SPC25: variants seen among roughly 807,000 people sequenced by gnomAD.
SPC25 encodes the protein kinetochore protein Spc25.
A neutral mutation model predicts 29.6 loss-of-function variants in SPC25; 22 were observed. That is an observed-to-expected ratio of 0.74 (90% CI 0.53 to 1.06). SPC25 has a LOEUF of 1.06. SPC25 is among the 50% of genes least tolerant of loss of function. SPC25 has a pLI of 0.00. For missense variants in SPC25, 230 were observed against 255.8 expected (o/e 0.90, Z 0.69); for synonymous variants, 91 against 90.4 (o/e 1.01, Z -0.04).
rs759775753 is a variant in SPC25 at position 168,876,099 on chromosome 2, G to T, written c.424C>A (p.Leu142Ile). The T allele has an allele frequency of 6.4e-7, 1 of 1,555,492 alleles. No homozygotes were observed. Among genetic ancestry groups the T allele is most frequent in the Admixed American group, 2.1e-5 (1 of 47,264 alleles). ...TAAATTTTTCGAATTTCTAGTCCAA[G>T]TCGATCTTTATACAAGTCTGCAGAT... ...QKSADLYKDR[L>I]GLEIRKIYGE... The change falls in exon 5 of 7, where the codon CTT becomes ATT. Residue 142 changes from leucine (L) to isoleucine (I), a missense_variant. Leu to Ile is a conservative substitution (Grantham distance 5). Transcript: ENST00000282074.
chr2:168,885,571 G>A (rs1465772348), intron 3 of SPC25, among the ~76,000 whole-genome samples: 1 of 152,128 alleles, frequency 6.6e-6, no homozygotes, highest in Admixed American at 6.5e-5. Context: ...TGGCCAACGA[G>A]TTCTTCCAGC....
At chr2:168,873,191 A>G (rs1242067311) in intron 6 of SPC25, among the ~76,000 whole-genome samples, 1 of 152,180 alleles carries the variant, frequency 6.6e-6, no homozygotes, top group Non-Finnish European at 1.5e-5. Context: ...AATTCTGGTG[A>G]CTTTACATTT....
chr2:168,876,133 C>T lies in SPC25; in HGVS notation c.390G>A (p.Arg130=), dbSNP rs763695707. 5 of 1,569,202 alleles carry T rather than the reference C, an allele frequency of 3.2e-6. No homozygotes were observed. The highest frequency in any genetic ancestry group is 2.6e-6 in the Non-Finnish European group (3 of 1,165,314). Residue 130 remains arginine (R), a synonymous_variant, in exon 5 of 7, where the codon AGG becomes AGA. Transcript: ENST00000282074. ...TATACAAGTCTGCAGATTTCTGCAG[C>T]CTTTTCAACCTCTCTGCATTCGCTT... ...ANKANAERLK[R]LQKSADLYKD... is the part of the protein sequence containing the mutation.
At chr2:168,862,108 TA>T in intron 4 of SPC25, 6 of 1,476,678 alleles carry the variant, frequency 4.1e-6, no homozygotes, top group Non-Finnish European at 5.7e-6. Flanking sequence ...TTAGCATGAA[TA>T]AAACCCTGTC....
rs1690102211 is a variant in SPC25, at chr2:168,877,259, C to T, written c.325G>A (p.Glu109Lys). The change falls in exon 4 of 7, where the codon GAA (glutamate) becomes AAA (lysine). Residue 109 changes from glutamate to lysine, a missense_variant. Physicochemically the swap from Glu to Lys is moderately conservative, Grantham distance 56 (BLOSUM62 1). Coordinates refer to ENST00000282074, the MANE Select transcript of SPC25 (RefSeq NM_020675.4). Reference protein sequence around the residue: ...LTANIQDLKEEYSRKKETIST... With the variant: ...LTANIQDLKEKYSRKKETIST... ...TTACTTTCCTTCTTCCTAGAATATT[C>T]TTCCTTAAGATCCTGGATATTTGCA... 7 of 1,613,464 alleles carry T rather than the reference C, an allele frequency of 4.3e-6. No homozygotes were observed. Among genetic ancestry groups the T allele is most frequent in the Non-Finnish European group, 5.1e-6 (6 of 1,179,744 alleles).
chr2:168,861,860 A>G lies in SPC25; in HGVS notation n.419+11725T>C, dbSNP rs1251540844. ...TTTCCTTTTGAGAAAAATTTAATAT[A>G]TTGAAACTCTGCATCACACTGTTAA... On this transcript the variant is annotated intron_variant and non_coding_transcript_variant, in intron 4 of 4. Coordinates refer to the SPC25 transcript ENST00000479309. The G allele has an allele frequency of 3.7e-6, 4 of 1,072,608 alleles. No individual in the cohort carries two copies. The Admixed American group carries it at 9.1e-5, about 24-fold the overall frequency. The allele number at this position is 1,072,608 out of a possible 1,614,324, so 66.4% of individuals were successfully genotyped here.
At chr2:168,883,342 T>A (rs1052335728) in intron 3 of SPC25, among the ~76,000 whole-genome samples, 15 of 152,198 alleles carry the variant, frequency 9.9e-5, no homozygotes, top group African/African-American at 3.1e-4. Flanking sequence ...GGTGATATTT[T>A]TTGCTTTTCT....
At position 168,871,450 on chromosome 2, in the gene SPC25, G is replaced by C. The variant is rs1440281247; in HGVS notation, c.656C>G (p.Thr219Ser). The stretch of plus-strand genomic sequence containing the variant: ...TGTATGTTAATTATAAACCGTGGCA[G>C]TAAAAGCTTTCCGAACATTGGCAAG... Reference protein sequence around the residue: ...AFLANVRKAFTATVYN With the variant: ...AFLANVRKAFSATVYN The change falls in exon 7 of 7, where the codon ACT becomes AGT. Residue 219 changes from threonine (T) to serine (S), a missense_variant. Physicochemically the swap from Thr to Ser is moderately conservative, Grantham distance 58 (BLOSUM62 1). Transcript: ENST00000282074. 2.5e-6 allele frequency: 4 copies of C among 1,607,518 alleles called. No homozygotes were observed. The Admixed American group carries it at 5.1e-5, about 20-fold the overall frequency.
At chr2:168,883,224 A>C (rs1326693130) in intron 3 of SPC25, among the ~76,000 whole-genome samples, 4 of 152,154 alleles carry the variant, frequency 2.6e-5, no homozygotes, top group Admixed American at 2.0e-4. Flanking sequence ...TTGAAAAAAA[A>C]AGATAGTTAT....
intron 3 of SPC25, among the ~76,000 whole-genome samples, chr2:168,883,806 C>G (rs1690215325): frequency 6.7e-6 from 1 of 149,012 alleles, no homozygotes; most frequent in South Asian, 2.1e-4. Flanking sequence ...GAGTCTCGCT[C>G]TGTCGCCAGG....
downstream of SPC25, among the ~76,000 whole-genome samples, chr2:168,869,957 T>C (rs962660513): frequency 2.6e-5 from 4 of 152,000 alleles, no homozygotes; most frequent in African/African-American, 7.3e-5. Flanking sequence ...CTTCAAACTA[T>C]CCTACAAGGC....
chr2:168,871,507 T>A lies in SPC25; in HGVS notation c.599A>T (p.Asn200Ile), dbSNP rs1180443624. 3 of 1,609,986 alleles carry A rather than the reference T, an allele frequency of 1.9e-6. No individual in the cohort carries two copies. Among genetic ancestry groups the A allele is most frequent in the Admixed American group, 1.7e-5 (1 of 59,506 alleles). The change falls in exon 7 of 7, where the codon AAT (asparagine) becomes ATT (isoleucine). Residue 200 changes from asparagine (N) to isoleucine (I), a missense_variant. Physicochemically the swap from Asn to Ile is moderately radical, Grantham distance 149. Coordinates refer to ENST00000282074, the MANE Select transcript of SPC25 (RefSeq NM_020675.4). ...TGAAAAATTGTTGGTCTTCCTTACA[T>A]TCTCTTGAAATTCTGCTAGGCCCTC... ...HLEGLAEFQE[N>I]VRKTNNFSAF...
intron 4 of SPC25, chr2:168,863,513 A>G: frequency 1.0e-6 from 1 of 985,368 alleles, no homozygotes; most frequent in African/African-American, 1.7e-5. Flanking sequence ...TTTTATGACA[A>G]GAGCCATGTT....
At chr2:168,884,960 T>C (rs1690237527) in intron 3 of SPC25, 1 of 152,130 alleles carries the variant, frequency 6.6e-6, no homozygotes, top group Admixed American at 6.5e-5. Context: ...GGCTACCTTC[T>C]TTCACTCTAC....
chr2:168,873,942 G>C (rs1276506201), intron 5 of SPC25, among the ~76,000 whole-genome samples: 1 of 152,048 alleles, frequency 6.6e-6, no homozygotes, highest in Non-Finnish European at 1.5e-5. Flanking sequence ...ACACTATCAA[G>C]AGAAGGAAAA....
rs973073055 is a variant in SPC25 at position 168,889,508 on chromosome 2, G to A, written c.12C>T (p.Asp4=). The change falls in exon 2 of 7, where the codon GAC becomes GAT. Residue 4 remains aspartate, a synonymous_variant. Transcript: ENST00000282074. ...TGCTTTTATCGAAAAGTGCCAGTTC[G>A]TCCTCTACCATTATGTAGGACAATG... MVE[D]ELALFDKSIN... 6 of 1,613,146 alleles carry A rather than the reference G, an allele frequency of 3.7e-6. No individual in the cohort carries two copies. The East Asian group carries it at 6.7e-5, about 18-fold the overall frequency.
intron 4 of SPC25, chr2:168,863,784 T>A (rs1689647597): frequency 2.7e-6 from 1 of 376,572 alleles, no homozygotes; most frequent in Non-Finnish European, 3.7e-6. Context: ...CGCCAAACAA[T>A]CAAAAACACC....
chr2:168,888,461 A>G (rs1302764588), intron 3 of SPC25, among the ~76,000 whole-genome samples: 1 of 152,006 alleles, frequency 6.6e-6, no homozygotes, highest in Non-Finnish European at 1.5e-5. Context: ...AGGCTGAGGC[A>G]GGAGAGTGGC....
downstream of SPC25, among the ~76,000 whole-genome samples, chr2:168,867,551 C>A (rs1011052030): frequency 6.6e-5 from 10 of 152,252 alleles, no homozygotes; most frequent in East Asian, 1.5e-3. Flanking sequence ...ATCTACCAAG[C>A]AAATGGAAAA....
Sources: allele counts gnomAD v4.1 joint callset (sites outside exome capture counted in the v4.1 genomes callset), GRCh38; gene constraint gnomAD v4.1.1; transcripts MANE v1.5; gene names NCBI Gene and HGNC (gene_info 2026-07-23, HGNC 2026-07-21).